Variants in MR1 observed in about 807,000 individuals in gnomAD.
MR1 encodes major histocompatibility complex class I-related protein 1.
MR1 carries 44 observed loss-of-function variants against 37.8 expected under a neutral mutation model. The ratio of observed to expected loss-of-function variants is 1.16; its 90% CI spans 0.91 to 1.50. The LOEUF is 1.50. MR1 is among the 40% of genes most tolerant of loss of function. The probability of loss-of-function intolerance (pLI) is 0.00; values close to 1 mark genes in which losing one functional copy is unlikely to be tolerated. For missense variants in MR1, 386 were observed against 419.1 expected (o/e 0.92, Z 0.69); for synonymous variants, 153 against 155.8 (o/e 0.98, Z 0.13).
Position 181,049,192 on chromosome 1 carries a change from C to G in MR1, c.208C>G (p.Pro70Ala). The change falls in exon 2 of 6, where the codon CCA (proline) becomes GCA (alanine). Residue 70 changes from proline to alanine, a missense_variant. Transcript: ENST00000367580. The stretch of plus-strand genomic sequence containing the variant: ...CACTCGGCAGAAGGAGCCACGGGCC[C>G]CATGGATGGCAGAGAACCTCGCGCC... ...SVTRQKEPRA[P>A]WMAENLAPDH... 6.2e-7 allele frequency: 1 copy of G among 1,614,224 alleles called. No individual in the cohort carries two copies. Among genetic ancestry groups the G allele is most frequent in the South Asian group, 1.1e-5 (1 of 91,082 alleles).
At chr1:181,050,385 C>A in intron 3 of MR1, 99 bp downstream of exon 3, 1 of 1,497,470 alleles carries the variant, frequency 6.7e-7, no homozygotes, top group South Asian at 1.2e-5. Context: ...TCCTGAAAGC[C>A]ATCTCTTTAG....
chr1:181,055,541 T>G lies in MR1; in HGVS notation c.*276T>G. ...TCTCATGACACAACGCTTCCCTACATTCTATTTGTCAATGATGATTTGCAA... is the reference window on the plus strand; with the variant it reads ...TCTCATGACACAACGCTTCCCTACAGTCTATTTGTCAATGATGATTTGCAA... On this transcript the variant is annotated 3_prime_UTR_variant, in exon 6 of 6. Coordinates refer to ENST00000367580, the MANE Select transcript of MR1 (RefSeq NM_001385161.1). The G allele has an allele frequency of 2.2e-6, 1 of 459,292 alleles. No homozygotes were observed. The highest frequency in any genetic ancestry group is 3.7e-5 in the East Asian group (1 of 26,786). 28.5% of individuals were successfully genotyped at this position (459,292 alleles called of 1,614,324 possible).
rs1658205123 is a variant in MR1 at position 181,049,997 on chromosome 1, T to C, written c.329-14T>C. The C allele has an allele frequency of 8.7e-6, 14 of 1,609,354 alleles. No individual in the cohort carries two copies. In the Admixed American group the frequency reaches 1.0e-4, roughly 12 times the overall value. ...CTCTGTGTGGACCCCTCTGGGCTTC[T>C]GTGTGTGTTCCAGGGTCTCACACTT... On this transcript the variant is annotated splice_polypyrimidine_tract_variant and intron_variant, in intron 2 of 5. Transcript: ENST00000367580.
rs1657618061 is a variant in MR1 at position 181,042,566 on chromosome 1, C to A, written c.68-6486C>A. Among the ~76,000 whole-genome samples, 9 of 150,354 alleles carry A rather than the reference C, an allele frequency of 6.0e-5. 1 individual carries two copies. In the South Asian group the frequency reaches 1.9e-3, roughly 32 times the overall value. ...CCTGTAATCCCAGCACTTTGGGAGA[C>A]CAAGGCAGGCAGATCACCTGAGGTC... On this transcript the variant is annotated intron_variant, in intron 1 of 5. Transcript: ENST00000367580.
chr1:181,042,302 A>C (rs1481894717), intron 1 of MR1, among the ~76,000 whole-genome samples: 1 of 150,184 alleles, frequency 6.7e-6, no homozygotes, highest in Non-Finnish European at 1.5e-5. Context: ...TCCCAGGTTC[A>C]AGCGATTCTC....
At position 181,061,547 on chromosome 1, in the gene MR1, T is replaced by C. The variant is rs1160081719; in HGVS notation, c.*6282T>C. Reference sequence around the variant, plus strand: ...AAACAAGTCAATTCATTTAGACTGGTAGAACCAGAACCACTGTGTAGTACA... The same window carrying C: ...AAACAAGTCAATTCATTTAGACTGGCAGAACCAGAACCACTGTGTAGTACA... On this transcript the variant is annotated 3_prime_UTR_variant, in exon 6 of 6. Transcript: ENST00000367580. 6.6e-6 allele frequency: 1 copy of C among 152,206 alleles called. No individual in the cohort carries two copies. The highest frequency in any genetic ancestry group is 1.5e-5 in the Non-Finnish European group (1 of 68,036). 9.4% of individuals were successfully genotyped at this position (152,206 alleles called of 1,614,324 possible). A position where few individuals can be genotyped will look rare whatever the true frequency, so the allele number is the denominator to read the frequency against.
chr1:181,036,365 A>G (rs1657268468), intron 1 of MR1, among the ~76,000 whole-genome samples: 1 of 151,972 alleles, frequency 6.6e-6, no homozygotes. Context: ...TCCTCACATG[A>G]CCCATCTGGC....
chr1:181,050,562 T>C, intron 3 of MR1: 1 of 427,822 alleles, frequency 2.3e-6, no homozygotes, highest in South Asian at 2.5e-5. Context: ...TTCCATTCCG[T>C]CAATGATAAG....
At chr1:181,053,028 A>G (rs565367348) in intron 4 of MR1, among the ~76,000 whole-genome samples, 2 of 152,066 alleles carry the variant, frequency 1.3e-5, no homozygotes, top group South Asian at 4.2e-4. Context: ...TCGCACCACT[A>G]CACTCCAGCC....
chr1:181,037,536 A>G (rs1657338509), intron 1 of MR1, among the ~76,000 whole-genome samples: 1 of 152,190 alleles, frequency 6.6e-6, no homozygotes, highest in South Asian at 2.1e-4. Flanking sequence ...CTTGACCCCA[A>G]TCCTCTTACC....
Position 181,057,466 on chromosome 1 carries a change from G to T in MR1, c.*2201G>T, listed in dbSNP as rs1426612549. 3.3e-5 allele frequency: 5 copies of T among 152,180 alleles called. No individual in the cohort carries two copies. The East Asian group carries it at 9.6e-4, about 29-fold the overall frequency. The allele number at this position is 152,180 out of a possible 1,614,324, so 9.4% of individuals were successfully genotyped here. On this transcript the variant is annotated 3_prime_UTR_variant, in exon 6 of 6. Transcript: ENST00000367580. ...AAGGTACATATTTACATAGACACAG[G>T]TGATAATGTATCTATGTAAATGCCT...
At position 181,055,308 on chromosome 1, in the gene MR1, T is replaced by C. The variant is rs1658554458; in HGVS notation, c.*43T>C. The C allele has an allele frequency of 6.4e-7, 1 of 1,553,840 alleles. No homozygotes were observed. The highest frequency in any genetic ancestry group is 8.9e-7 in the Non-Finnish European group (1 of 1,125,852). On this transcript the variant is annotated 3_prime_UTR_variant, in exon 6 of 6. Transcript: ENST00000367580. ...CCAGTTCTCCTTCCTCTAGGAGCCA[T>C]GTTATCCTCTGTCCCCCATAGAGTC... is the stretch of plus-strand genomic sequence containing the variant.
chr1:181,046,222 C>T (rs1033496763), intron 1 of MR1, among the ~76,000 whole-genome samples: 5 of 152,240 alleles, frequency 3.3e-5, no homozygotes, highest in African/African-American at 7.2e-5. Flanking sequence ...GGGCGCACGG[C>T]GCGGGAATGG....
At chr1:181,036,753 T>A (rs112249766) in intron 1 of MR1, among the ~76,000 whole-genome samples, 35 of 152,346 alleles carry the variant, frequency 2.3e-4, no homozygotes, top group African/African-American at 8.2e-4. Flanking sequence ...GAAAGAGATA[T>A]CTTCATTTTT....
chr1:181,051,261 CAAAAA>C (rs142341391), intron 3 of MR1: 1 of 123,378 alleles, frequency 8.1e-6, no homozygotes, highest in Non-Finnish European at 1.8e-5. Flanking sequence ...AAAAAACAAA[CAAAAA>C]AAAAAAAGAA....
At chr1:181,052,537 G>C in intron 4 of MR1, 27 bp downstream of exon 4, 1 of 1,601,702 alleles carries the variant, frequency 6.2e-7, no homozygotes. Flanking sequence ...TGGCTGTCTA[G>C]GGAGAGAGCC....
chr1:181,048,898 GGGTTCTGT>G (rs374123393), intron 1 of MR1, among the ~76,000 whole-genome samples, 146 bp from the exon 2 acceptor site: 241 of 152,324 alleles, frequency 1.6e-3, no homozygotes, highest in African/African-American at 2.9e-3. Context: ...CCCGGTTCCT[GGGTTCTGT>G]GGTTCTGTAA....
At chr1:181,049,465 C>G in intron 2 of MR1, 153 bp downstream of exon 2, 1 of 882,052 alleles carries the variant, frequency 1.1e-6, no homozygotes, top group Non-Finnish European at 1.7e-6. Context: ...GGCCTCCCAT[C>G]TGCCTGTGCA....
chr1:181,044,352 T>G (rs1301234296), intron 1 of MR1, among the ~76,000 whole-genome samples: 1 of 152,164 alleles, frequency 6.6e-6, no homozygotes, highest in Non-Finnish European at 1.5e-5. Context: ...TTCTCTATAG[T>G]GGCAAGGGCC....
Sources: gnomAD v4.1 joint callset for allele counts (sites outside exome capture counted in the v4.1 genomes callset) on GRCh38, gnomAD v4.1.1 for gene constraint, MANE v1.5 for transcripts, NCBI Gene and HGNC (gene_info 2026-07-23, HGNC 2026-07-21) for gene names.